The following SPTBN1 variants were observed in gnomAD, a reference collection of about 807,000 sequenced individuals.
SPTBN1 encodes the protein spectrin beta, non-erythrocytic 1.
Under a neutral mutation model 266.4 loss-of-function variants are expected in SPTBN1, and 32 were observed. That is an observed-to-expected ratio of 0.12 (90% confidence interval 0.09 to 0.16). The LOEUF (loss-of-function observed/expected upper bound fraction) is 0.16, where lower values mean the gene tolerates loss of function less well. Ranked by LOEUF, SPTBN1 falls within the 10% of genes least tolerant of loss-of-function variation. SPTBN1 has a pLI of 1.00. For synonymous variants in SPTBN1, 1,336 were observed against 1,162.2 expected (o/e 1.15, Z -3.04); for missense variants, 2,296 against 3,067.1 (o/e 0.75, Z 5.94).
chr2:54,631,112 T>A lies in SPTBN1; in HGVS notation c.3065T>A (p.Leu1022Gln), dbSNP rs761795530. The change falls in exon 16 of 36, where the codon CTG becomes CAG. Residue 1022 changes from leucine to glutamine, a missense_variant. Transcript: ENST00000356805. Reference protein sequence around the residue: ...LSDLQKEAEKLESEHPDQAQA... With the variant: ...LSDLQKEAEKQESEHPDQAQA... ...GACCTGCAGAAGGAGGCGGAGAAGC[T>A]GGAGTCCGAGCACCCCGACCAGGCC... 1.9e-6 allele frequency: 3 copies of A among 1,614,126 alleles called. No homozygotes were observed. In the South Asian group the frequency reaches 3.3e-5, roughly 18 times the overall value.
intron 2 of SPTBN1, among the ~76,000 whole-genome samples, chr2:54,551,632 A>G (rs1424293988): frequency 6.6e-6 from 1 of 152,170 alleles, no homozygotes; most frequent in Admixed American, 6.5e-5. Context: ...ATGACCAGTT[A>G]GGCAAGAAAC....
At chr2:54,488,815 G>T (rs1023461213) in intron 1 of SPTBN1, among the ~76,000 whole-genome samples, 1 of 152,100 alleles carries the variant, frequency 6.6e-6, no homozygotes, top group Non-Finnish European at 1.5e-5. Context: ...TTATAATGAA[G>T]TTATTAATCT....
intron 1 of SPTBN1, among the ~76,000 whole-genome samples, chr2:54,495,180 G>A (rs1009448366): frequency 6.6e-6 from 1 of 152,114 alleles, no homozygotes; most frequent in African/African-American, 2.4e-5. Flanking sequence ...CAGGTGTGTG[G>A]CAGAGGTTGG....
At chr2:54,550,659 G>T (rs1438220949) in intron 2 of SPTBN1, among the ~76,000 whole-genome samples, 1 of 150,862 alleles carries the variant, frequency 6.6e-6, no homozygotes, top group East Asian at 1.9e-4. Flanking sequence ...GAGAAATGTA[G>T]TTGTTGCTTA....
At position 54,511,562 on chromosome 2, in the gene SPTBN1, A is replaced by G. The variant is rs1669859733; in HGVS notation, c.-47-14810A>G. Reference sequence around the variant, plus strand: ...TGCACTTTATTATTATTACATTGTAATATATAATGAAATAATTCTGGCCGG... The same window carrying G: ...TGCACTTTATTATTATTACATTGTAGTATATAATGAAATAATTCTGGCCGG... On this transcript the variant is annotated intron_variant, in intron 1 of 35. Coordinates refer to ENST00000356805, the MANE Select transcript of SPTBN1 (RefSeq NM_003128.3). Among the ~76,000 whole-genome samples the G allele has an allele frequency of 2.0e-5, 3 of 152,244 alleles. No homozygotes were observed. The South Asian group carries it at 6.2e-4, about 32-fold the overall frequency.
chr2:54,645,875 C>G lies in SPTBN1; in HGVS notation c.4495-53C>G. On this transcript the variant is annotated intron_variant, in intron 21 of 35. Transcript: ENST00000356805. The surrounding 1 kb of genome is among the most constrained non-coding windows in gnomAD (Gnocchi z 4.3). ...ACTGCCCCTCACTGCTCGTTTGTGT[C>G]GTATATTTGTTCCTCTGAGTGGATC... The G allele has an allele frequency of 6.3e-7, 1 of 1,591,482 alleles. No individual in the cohort carries two copies. The highest frequency in any genetic ancestry group is 8.6e-7 in the Non-Finnish European group (1 of 1,160,132).
Position 54,631,739 on chromosome 2 carries a change from A to ATT in SPTBN1, c.3564+136_3564+137dup, listed in dbSNP as rs1365569140. On this transcript the variant is annotated intron_variant, in intron 16 of 35. Coordinates refer to ENST00000356805, the MANE Select transcript of SPTBN1 (RefSeq NM_003128.3). Reference sequence around the variant, plus strand: ...AATTATATGGATAATTTAGAGACTGATTTTTTTTTCCCCATACTCTTAAGG... The same window carrying ATT: ...AATTATATGGATAATTTAGAGACTGATTTTTTTTTTTCCCCATACTCTTAAGG... The ATT allele has an allele frequency of 4.9e-6, 6 of 1,221,838 alleles. No individual in the cohort carries two copies. The African/African-American group carries it at 6.1e-5, about 12-fold the overall frequency. 75.7% of individuals were successfully genotyped at this position (1,221,838 alleles called of 1,614,324 possible).
intron 2 of SPTBN1, among the ~76,000 whole-genome samples, chr2:54,557,230 C>G (rs764779731): frequency 6.6e-6 from 1 of 152,038 alleles, no homozygotes; most frequent in East Asian, 1.9e-4. Context: ...TTACAAGTGC[C>G]CTGGGGACTG....
chr2:54,538,207 C>T (rs1463471265), intron 2 of SPTBN1, among the ~76,000 whole-genome samples: 6 of 152,138 alleles, frequency 3.9e-5, no homozygotes, highest in African/African-American at 9.7e-5. Flanking sequence ...CAAACATTAG[C>T]GTTTCAGTCT....
intron 2 of SPTBN1, among the ~76,000 whole-genome samples, chr2:54,565,385 C>G (rs548222512): frequency 1.3e-5 from 2 of 152,220 alleles, no homozygotes; most frequent in African/African-American, 4.8e-5. Flanking sequence ...GGAATGGACT[C>G]TGTCCTGCTT....
intron 2 of SPTBN1, among the ~76,000 whole-genome samples, chr2:54,545,860 C>T (rs1053933823): frequency 3.9e-5 from 6 of 152,044 alleles, no homozygotes; most frequent in African/African-American, 1.5e-4. Flanking sequence ...GCTGTTGCTA[C>T]CAAGGTAAGT....
chr2:54,657,379 G>A (rs1477756706), intron 29 of SPTBN1, among the ~76,000 whole-genome samples: 1 of 152,212 alleles, frequency 6.6e-6, no homozygotes, highest in Non-Finnish European at 1.5e-5. Context: ...TCATGAAGTG[G>A]GGCCGAGTGA....
chr2:54,556,514 A>T (rs140627265), intron 2 of SPTBN1, among the ~76,000 whole-genome samples: 1 of 152,228 alleles, frequency 6.6e-6, no homozygotes, highest in African/African-American at 2.4e-5. Context: ...TTAAAACGTT[A>T]TAAGTTGGCA....
rs1297892252 is a variant in SPTBN1, at chr2:54,668,791, T to G, written c.*222T>G. On this transcript the variant is annotated 3_prime_UTR_variant, in exon 36 of 36. Coordinates refer to ENST00000356805, the MANE Select transcript of SPTBN1 (RefSeq NM_003128.3). ...TGAGGTGCAGAGGGAAGGCCAGATT[T>G]TTTTTTTAATGAAATTATATAGATT... 2.3e-5 allele frequency: 12 copies of G among 528,480 alleles called. No homozygotes were observed. Among genetic ancestry groups the G allele is most frequent in the Non-Finnish European group, 3.7e-5 (11 of 296,438 alleles). 32.7% of individuals were successfully genotyped at this position (528,480 alleles called of 1,614,324 possible).
At chr2:54,460,564 C>T (rs758567004) in intron 1 of SPTBN1, among the ~76,000 whole-genome samples, 3 of 152,228 alleles carry the variant, frequency 2.0e-5, no homozygotes, top group Non-Finnish European at 2.9e-5. Flanking sequence ...AGGGTCCTCT[C>T]TGCTCCCTCT....
intron 2 of SPTBN1, among the ~76,000 whole-genome samples, chr2:54,585,918 C>A (rs781146703): frequency 6.6e-6 from 1 of 152,070 alleles, no homozygotes; most frequent in Non-Finnish European, 1.5e-5. Flanking sequence ...ATTGGGTCAG[C>A]CTATCATTCA....
At chr2:54,465,637 C>CATATATATTATATA (rs1433073794) in intron 1 of SPTBN1, among the ~76,000 whole-genome samples, 1 of 89,724 alleles carries the variant, frequency 1.1e-5, no homozygotes, top group Admixed American at 1.4e-4. Context: ...TCATGTTTAT[C>CATATATATTATATA]TCATATATAT....
At chr2:54,585,043 A>G (rs1675197073) in intron 2 of SPTBN1, among the ~76,000 whole-genome samples, 1 of 152,236 alleles carries the variant, frequency 6.6e-6, no homozygotes, top group Non-Finnish European at 1.5e-5. Context: ...CAACACTGCA[A>G]GAGGTTTACA....
intron 1 of SPTBN1, among the ~76,000 whole-genome samples, chr2:54,500,008 T>C (rs919061553): frequency 3.3e-5 from 5 of 152,246 alleles, no homozygotes; most frequent in African/African-American, 4.8e-5. Flanking sequence ...CTTGGAATTA[T>C]AATTCTTTTT....
Sources: gnomAD v4.1 joint callset for allele counts (sites outside exome capture counted in the v4.1 genomes callset) on GRCh38, gnomAD v4.1.1 for gene constraint, Gnocchi (gnomAD v3.1) non-coding constraint, MANE v1.5 for transcripts, NCBI Gene and HGNC (gene_info 2026-07-23, HGNC 2026-07-21) for gene names.